CHODL: variants seen among roughly 807,000 people sequenced by gnomAD.
CHODL encodes the protein chondrolectin.
Under a neutral mutation model 34.5 loss-of-function variants are expected in CHODL, and 29 were observed. The ratio of observed to expected loss-of-function variants is 0.84; its 90% confidence interval spans 0.63 to 1.15. The LOEUF (loss-of-function observed/expected upper bound fraction) is 1.15, where lower values mean the gene tolerates loss of function less well. Ranked by LOEUF, CHODL falls within the 50% of genes most tolerant of loss-of-function variation. The probability of loss-of-function intolerance (pLI) is 0.00; values close to 1 mark genes in which losing one functional copy is unlikely to be tolerated. For synonymous variants in CHODL, 125 were observed against 116.1 expected, an observed-to-expected ratio of 1.08 and a Z score of -0.49; for missense variants, 332 against 332.5, an observed-to-expected ratio of 1.00 and a Z score of 0.01.
chr21:18,157,360 A>G (rs1428174878), intron 2 of CHODL, among the ~76,000 whole-genome samples: 2 of 152,316 alleles, frequency 1.3e-5, no homozygotes, highest in South Asian at 4.1e-4. Flanking sequence ...ATACAGAAAA[A>G]CATTTTTATT....
At chr21:18,066,116 C>T (rs557788282) in intron 2 of CHODL, among the ~76,000 whole-genome samples, 2 of 152,018 alleles carry the variant, frequency 1.3e-5, no homozygotes, top group Admixed American at 1.3e-4. Context: ...TTTTCATGGC[C>T]CCAAATTATA....
At chr21:18,251,388 G>A (rs9982543) in intron 1 of CHODL, among the ~76,000 whole-genome samples, 15,151 of 67,050 alleles carry the variant, frequency 0.23, 2,545 homozygotes, top group African/African-American at 0.37. Flanking sequence ...TATTTTATTT[G>A]TTTTAATATA....
At chr21:18,125,697 G>A (rs1226583435) in intron 2 of CHODL, among the ~76,000 whole-genome samples, 1 of 151,990 alleles carries the variant, frequency 6.6e-6, no homozygotes, top group Non-Finnish European at 1.5e-5. Context: ...ACGGGTTCAT[G>A]CGATTCTTCT....
intron 1 of CHODL, among the ~76,000 whole-genome samples, chr21:17,952,635 A>G (rs1305190787): frequency 6.6e-6 from 1 of 152,176 alleles, no homozygotes; most frequent in Non-Finnish European, 1.5e-5. Flanking sequence ...AACCTAGAGG[A>G]GAAGAGATTA....
intron 1 of CHODL, among the ~76,000 whole-genome samples, chr21:18,249,559 A>G (rs1170222643): frequency 1.3e-5 from 2 of 152,160 alleles, no homozygotes; most frequent in African/African-American, 2.4e-5. Flanking sequence ...CCAATAATCA[A>G]TAACAGATTA....
chr21:18,170,096 C>T (rs1190342141), intron 2 of CHODL, among the ~76,000 whole-genome samples: 1 of 151,846 alleles, frequency 6.6e-6, no homozygotes, highest in Admixed American at 6.6e-5. Context: ...TAATTTCTTG[C>T]ATTTTGGGGC....
intron 2 of CHODL, among the ~76,000 whole-genome samples, chr21:18,071,713 TCATTTCTATTTCTATTA>T (rs1267686314): frequency 0.01 from 1,595 of 152,282 alleles, 21 homozygotes; most frequent in African/African-American, 0.035. Flanking sequence ...CATTTCTATT[TCATTTCTATTTCTATTA>T]CATTTCTATT....
chr21:17,939,173 A>G (rs34577587), intron 1 of CHODL, among the ~76,000 whole-genome samples: 36,701 of 152,094 alleles, frequency 0.24, 5,086 homozygotes, highest in South Asian at 0.4. Flanking sequence ...TGTACAGCAG[A>G]TCTTTAGAGC....
chr21:18,174,161 A>ATATATATCTTGGT (rs2073276201), intron 2 of CHODL, among the ~76,000 whole-genome samples: 1 of 85,668 alleles, frequency 1.2e-5, no homozygotes, highest in African/African-American at 3.3e-5. Flanking sequence ...ATATATATAT[A>ATATATATCTTGGT]AAATCAAGTC....
At chr21:18,263,627 C>A (rs536385558) in intron 5 of CHODL, among the ~76,000 whole-genome samples, 29 of 151,838 alleles carry the variant, frequency 1.9e-4, no homozygotes, top group African/African-American at 6.5e-4. Flanking sequence ...AAATATGTAT[C>A]AAAAGGAAAA....
chr21:18,176,025 T>A (rs569323515), intron 2 of CHODL, among the ~76,000 whole-genome samples: 32 of 152,270 alleles, frequency 2.1e-4, no homozygotes, highest in African/African-American at 7.5e-4. Flanking sequence ...ATAGTAGTAA[T>A]TAAATATATA....
In CHODL at chr21:17,922,878, C is replaced by G. The variant is rs1484320823; in HGVS notation, c.-145+5478C>G. ...CCTGAAGACACGTGCCCAAGGTGGTCAGAGCACAGCTTGCTTTTATTCATT... is the reference window on the plus strand; with the variant it reads ...CCTGAAGACACGTGCCCAAGGTGGTGAGAGCACAGCTTGCTTTTATTCATT... On this transcript the variant is annotated intron_variant, in intron 1 of 6. Transcript: ENST00000400127. 2.0e-5 allele frequency among the ~76,000 whole-genome samples: 3 copies of G among 152,054 alleles called. No individual in the cohort carries two copies. In the East Asian group the frequency reaches 5.8e-4, roughly 29 times the overall value.
chr21:18,123,825 A>G (rs753246041), intron 2 of CHODL, among the ~76,000 whole-genome samples: 3 of 152,112 alleles, frequency 2.0e-5, no homozygotes, highest in Non-Finnish European at 4.4e-5. Context: ...CCATGGAATT[A>G]TTATTCAAGC....
intron 2 of CHODL, among the ~76,000 whole-genome samples, chr21:18,225,748 CT>C (rs921071445): frequency 1.3e-5 from 2 of 151,696 alleles, no homozygotes; most frequent in Non-Finnish European, 2.9e-5. Context: ...TAAAAATGAG[CT>C]TTTTTTGGTG....
intron 2 of CHODL, among the ~76,000 whole-genome samples, chr21:18,186,411 A>T (rs945519361): frequency 7.7e-4 from 103 of 134,170 alleles, no homozygotes; most frequent in Non-Finnish European, 1.2e-3. Context: ...AAAAAAAATT[A>T]AAAAAAAAAA....
intron 1 of CHODL, among the ~76,000 whole-genome samples, chr21:17,973,414 TTTC>T (rs1172649757): frequency 8.4e-6 from 1 of 119,320 alleles, no homozygotes; most frequent in South Asian, 2.6e-4. Flanking sequence ...CTTTTCTTTC[TTTC>T]TTTTTTTTTT....
intron 4 of CHODL, among the ~76,000 whole-genome samples, chr21:18,262,493 C>G (rs1157246793): frequency 1.3e-5 from 2 of 152,056 alleles, no homozygotes. Context: ...CCTATCTAAA[C>G]ATAGAAATCT....
chr21:18,260,169 T>C, intron 3 of CHODL, 31 bp from the exon 4 acceptor site: 2 of 1,009,902 alleles, frequency 2.0e-6, no homozygotes, highest in Non-Finnish European at 2.8e-6. Context: ...GTTTAATCAT[T>C]ATATATGATG....
chr21:17,953,475 T>C (rs955746219), intron 1 of CHODL, among the ~76,000 whole-genome samples: 2 of 151,028 alleles, frequency 1.3e-5, no homozygotes, highest in African/African-American at 4.9e-5. Context: ...TCTAAAAAAA[T>C]AAGAAAATAA....
Sources: gnomAD v4.1 joint callset for allele counts (sites outside exome capture counted in the v4.1 genomes callset) on GRCh38, gnomAD v4.1.1 for gene constraint, MANE v1.5 for transcripts, NCBI Gene and HGNC (gene_info 2026-07-23, HGNC 2026-07-21) for gene names.